The following ADAM8 variants were observed in gnomAD, a reference collection of about 807,000 sequenced individuals.
The protein encoded by ADAM8 is disintegrin and metalloproteinase domain-containing protein 8.
In ADAM8, 104 loss-of-function variants were observed where a neutral mutation model predicts 102.4. The ratio of observed to expected loss-of-function variants is 1.02; its 90% CI spans 0.87 to 1.20. ADAM8 has a LOEUF of 1.20. ADAM8 is among the 50% of genes most tolerant of loss of function. The pLI, the probability that ADAM8 is intolerant of heterozygous loss-of-function variation, is 0.00. For synonymous variants in ADAM8, 517 were observed against 485.2 expected (o/e 1.07, Z -0.86); for missense variants, 1,132 against 1,159.0 (o/e 0.98, Z 0.34).
intron 20 of ADAM8, 114 bp from the exon 21 acceptor site, chr10:133,267,531 C>T (rs1041759731): frequency 7.3e-6 from 8 of 1,098,900 alleles, no homozygotes; most frequent in Non-Finnish European, 1.0e-5. Flanking sequence ...GAGGCGTCTG[C>T]GCGGCCCACA....
intron 21 of ADAM8, among the ~76,000 whole-genome samples, chr10:133,265,602 T>TAAC (rs1846302263): frequency 6.6e-6 from 1 of 151,810 alleles, no homozygotes; most frequent in Admixed American, 6.6e-5. Context: ...CCATCTTGGC[T>TAAC]AACACAGTGA....
chr10:133,266,955 C>T (rs1236815811), intron 21 of ADAM8, among the ~76,000 whole-genome samples: 2 of 147,342 alleles, frequency 1.4e-5, no homozygotes, highest in Non-Finnish European at 2.9e-5. Context: ...CTTTCCAAAA[C>T]CCCCAAAGCC....
chr10:133,268,805 A>C lies in ADAM8; in HGVS notation c.2006T>G (p.Leu669Arg). 1.2e-6 allele frequency: 2 copies of C among 1,610,786 alleles called. No homozygotes were observed. The highest frequency in any genetic ancestry group is 1.7e-6 in the Non-Finnish European group (2 of 1,179,902). ...VVVLVLLAVV[L>R]VTLAGIIVYR... ...GACGATGATGCCTGCCAGGGTGACC[A>C]GCACAACTGCCAGGAGCACCAGAAC... Residue 669 changes from leucine (L) to arginine (R), a missense_variant, in exon 19 of 23, where the codon CTG becomes CGG. Leu to Arg is a moderately radical substitution (Grantham distance 102, BLOSUM62 -2). Coordinates refer to ENST00000445355, the MANE Select transcript of ADAM8 (RefSeq NM_001109.5).
In ADAM8 at chr10:133,263,621, A is replaced by AGCCCCGTGGGGAGGCCGTGCCACTGTCT; in HGVS notation, c.2397+66_2397+67insAGACAGTGGCACGGCCTCCCCACGGGGC. On this transcript the variant is annotated intron_variant, in intron 22 of 22. Transcript: ENST00000445355. ...CACCCTCCAGGGCAGTGCCACCGTC[A>AGCCCCGTGGGGAGGCCGTGCCACTGTCT]GCCCCGTGGGGAGGCCGTGCCGTCC... 3 of 1,458,724 alleles carry AGCCCCGTGGGGAGGCCGTGCCACTGTCT rather than the reference A, an allele frequency of 2.1e-6. No homozygotes were observed. The South Asian group carries it at 4.0e-5, about 20-fold the overall frequency. 90.4% of individuals were successfully genotyped at this position (1,458,724 alleles called of 1,614,324 possible). A position where few individuals can be genotyped will look rare whatever the true frequency, so the allele number is the denominator to read the frequency against.
At chr10:133,263,345 G>T in intron 22 of ADAM8, 112 bp from the exon 23 acceptor site, 1 of 1,086,844 alleles carries the variant, frequency 9.2e-7, no homozygotes, top group Non-Finnish European at 1.3e-6. Context: ...TGGATTCTTG[G>T]TTCATCCACC....
chr10:133,269,162 G>A (rs777863095), intron 18 of ADAM8: 53 of 985,334 alleles, frequency 5.4e-5, no homozygotes, highest in Non-Finnish European at 6.0e-5. Context: ...TCAGGGCCCC[G>A]GGCCGAGGAG....
In ADAM8 at chr10:133,271,833, C is replaced by T. The variant is rs375297057; in HGVS notation, c.1079G>A (p.Gly360Asp). The T allele has an allele frequency of 8.1e-6, 13 of 1,612,180 alleles. No homozygotes were observed. The highest frequency in any genetic ancestry group is 1.3e-5 in the African/African-American group (1 of 74,924). Residue 360 changes from glycine (G) to aspartate (D), a missense_variant, in exon 11 of 23, where the codon GGC becomes GAC. Coordinates refer to ENST00000445355, the MANE Select transcript of ADAM8 (RefSeq NM_001109.5). ...AATGCTGCCCGCCATGATGCAGCGGCCGGCCTCGAAGCGTTCCTGGCAGCG... is the reference window on the plus strand; with the variant it reads ...AATGCTGCCCGCCATGATGCAGCGGTCGGCCTCGAAGCGTTCCTGGCAGCG... ...GCRCQERFEAGRCIMAGSIGS... is the reference protein window; with the variant it reads ...GCRCQERFEADRCIMAGSIGS...
At chr10:133,267,823 T>A (rs545757069) in intron 20 of ADAM8, 106 bp downstream of exon 20, 2 of 1,119,012 alleles carry the variant, frequency 1.8e-6, no homozygotes, top group Non-Finnish European at 2.3e-6. Context: ...GGCCTGTGCG[T>A]GAATTTAATG....
Position 133,273,489 on chromosome 10 carries a change from T to C in ADAM8, c.384-46A>G, listed in dbSNP as rs138286281. On this transcript the variant is annotated intron_variant, in intron 5 of 22. Transcript: ENST00000445355. ...GTGTGCTGTGGGCTTCAGAGTGGCCTGGTCCTGCCCCGAAGGACCAGAGGC... is the reference window on the plus strand; with the variant it reads ...GTGTGCTGTGGGCTTCAGAGTGGCCCGGTCCTGCCCCGAAGGACCAGAGGC... 3.7e-3 allele frequency: 5,506 copies of C among 1,496,916 alleles called. 147 individuals are homozygous for C. In the African/African-American group the frequency reaches 0.062, roughly 17 times the overall value. 92.7% of individuals were successfully genotyped at this position (1,496,916 alleles called of 1,614,324 possible). A position where few individuals can be genotyped will look rare whatever the true frequency, so the allele number is the denominator to read the frequency against.
At chr10:133,266,926 G>A (rs796834502) in intron 21 of ADAM8, among the ~76,000 whole-genome samples, 1 of 152,190 alleles carries the variant, frequency 6.6e-6, no homozygotes, top group South Asian at 2.1e-4. Flanking sequence ...GGGCTCCAGT[G>A]ATTCGGGTTT....
rs749052473 is a variant in ADAM8 at position 133,275,586 on chromosome 10, C to T, written c.48G>A (p.Ala16=). The change falls in exon 2 of 23, where the codon GCG becomes GCA. Residue 16 remains alanine (A), a splice_region_variant and synonymous_variant. Transcript: ENST00000445355. The part of the protein sequence containing the change: ...LWLLGAMMLP[A]IAPSRPWALM... ...GGGCCCAGGGCCGGCTGGGGGCAAT[C>T]GCTGCAGGAGGGAGGGTCAGCAGGC... 4.3e-5 allele frequency: 64 copies of T among 1,486,950 alleles called. No individual in the cohort carries two copies. The highest frequency in any genetic ancestry group is 3.2e-4 in the South Asian group (24 of 74,986). The allele number at this position is 1,486,950 out of a possible 1,614,324, so 92.1% of individuals were successfully genotyped here. A position where few individuals can be genotyped will look rare whatever the true frequency, so the allele number is the denominator to read the frequency against.
chr10:133,270,325 TG>T, intron 16 of ADAM8, 34 bp downstream of exon 16: 3 of 1,559,782 alleles, frequency 1.9e-6, no homozygotes, highest in Admixed American at 1.8e-5. Flanking sequence ...CCGGGATGCC[TG>T]GGGGGTGGCG....
chr10:133,275,878 A>C (rs887199452), intron 1 of ADAM8: 3 of 371,714 alleles, frequency 8.1e-6, no homozygotes, highest in Admixed American at 9.5e-5. Flanking sequence ...GCTGTCTCAG[A>C]TCTCTGGAGG....
Position 133,271,591 on chromosome 10 carries a change from G to A in ADAM8, c.1221C>T (p.Gly407=), listed in dbSNP as rs368482166. ...CAAACAGGTTCCCACACACGGGGCC[G>A]CCCACCAGGTGGCTGAGGTCAGGGG... ...ANAPDLSHLV[G]GPVCGNLFVE... is the part of the protein sequence containing the mutation. The change falls in exon 12 of 23, where the codon GGC becomes GGT. Residue 407 remains glycine, a synonymous_variant. Transcript: ENST00000445355. 63 of 1,558,104 alleles carry A rather than the reference G, an allele frequency of 4.0e-5. No homozygotes were observed. The highest frequency in any genetic ancestry group is 2.3e-4 in the African/African-American group (17 of 74,016).
At position 133,275,429 on chromosome 10, in the gene ADAM8, C is replaced by A. The variant is rs763776930; in HGVS notation, c.150+55G>T. On this transcript the variant is annotated intron_variant, in intron 2 of 22. Transcript: ENST00000445355. ...TTTCTGTAAGCTAAAGCTCCTTTCACAAAAATAGGCTCAGGGGCCAGCCAG... is the reference window on the plus strand; with the variant it reads ...TTTCTGTAAGCTAAAGCTCCTTTCAAAAAAATAGGCTCAGGGGCCAGCCAG... The A allele has an allele frequency of 5.8e-6, 8 of 1,384,072 alleles. No homozygotes were observed. In the Admixed American group the frequency reaches 1.4e-4, roughly 24 times the overall value. The allele number at this position is 1,384,072 out of a possible 1,614,324, so 85.7% of individuals were successfully genotyped here.
Position 133,272,959 on chromosome 10 carries a change from C to T in ADAM8, c.634G>A (p.Glu212Lys), listed in dbSNP as rs769098488. ...VELYVVVDNA[E>K]FQMLGSEAAV... ...CACCTTCCCTGCCCCCAACACACCTCTGCATTGTCCACGACCACATACAGC... is the reference window on the plus strand; with the variant it reads ...CACCTTCCCTGCCCCCAACACACCTTTGCATTGTCCACGACCACATACAGC... Residue 212 changes from glutamate to lysine, a missense_variant and splice_region_variant, in exon 7 of 23, where the codon GAG becomes AAG. By Grantham distance (56) the Glu-to-Lys change is moderately conservative. Transcript: ENST00000445355. 8 of 1,612,960 alleles carry T rather than the reference C, an allele frequency of 5.0e-6. No homozygotes were observed. In the South Asian group the frequency reaches 7.7e-5, roughly 15 times the overall value.
chr10:133,270,105 G>T, intron 16 of ADAM8, 131 bp from the exon 17 acceptor site: 2 of 1,194,264 alleles, frequency 1.7e-6, no homozygotes, highest in Non-Finnish European at 1.2e-6. Flanking sequence ...CAGCCCATCT[G>T]CCGGCTGCCT....
rs949446956 is a variant in ADAM8 at position 133,271,580 on chromosome 10, C to T, written c.1232G>A (p.Cys411Tyr). 114 of 1,558,670 alleles carry T rather than the reference C, an allele frequency of 7.3e-5. No individual in the cohort carries two copies. The highest frequency in any genetic ancestry group is 9.5e-5 in the Non-Finnish European group (109 of 1,151,456). The change falls in exon 12 of 23, where the codon TGT (cysteine) becomes TAT (tyrosine). Residue 411 changes from cysteine to tyrosine, a missense_variant. Coordinates refer to ENST00000445355, the MANE Select transcript of ADAM8 (RefSeq NM_001109.5). ...CCCACGCTCCACAAACAGGTTCCCA[C>T]ACACGGGGCCGCCCACCAGGTGGCT... ...DLSHLVGGPVCGNLFVERGEQ... is the reference protein window; with the variant it reads ...DLSHLVGGPVYGNLFVERGEQ...
At chr10:133,270,040 C>T in intron 16 of ADAM8, 66 bp from the exon 17 acceptor site, 1 of 1,555,318 alleles carries the variant, frequency 6.4e-7, no homozygotes. Context: ...TCCCTTGAAA[C>T]TGCATGGTAA....
Sources: allele counts gnomAD v4.1 joint callset (sites outside exome capture counted in the v4.1 genomes callset), GRCh38; gene constraint gnomAD v4.1.1; transcripts MANE v1.5; gene names NCBI Gene and HGNC (gene_info 2026-07-23, HGNC 2026-07-21).